EP300: variants seen among roughly 807,000 people sequenced by gnomAD.
EP300 encodes the protein EP300 lysine acetyltransferase, also known as histone acetyltransferase p300.
A neutral mutation model predicts 264.0 loss-of-function variants in EP300; 31 were observed. The ratio of observed to expected loss-of-function variants is 0.12; its 90% CI spans 0.09 to 0.16. The LOEUF is 0.16. Ranked by LOEUF, EP300 falls within the 10% of genes least tolerant of loss-of-function variation. The pLI is 1.00. For synonymous variants in EP300, 1,340 were observed against 1,045.4 expected (o/e 1.28, Z -5.44); for missense variants, 2,766 against 3,052.9 (o/e 0.91, Z 2.21).
intron 1 of EP300, among the ~76,000 whole-genome samples, chr22:41,098,682 T>A (rs1386945467): frequency 1.3e-5 from 2 of 151,972 alleles, no homozygotes; most frequent in Non-Finnish European, 2.9e-5. Flanking sequence ...TAGAAGTAAT[T>A]TTGTTGAGAG....
chr22:41,170,582 A>T lies in EP300; in HGVS notation c.4452+11A>T, dbSNP rs780567601. 6.2e-7 allele frequency: 1 copy of T among 1,610,982 alleles called. No individual in the cohort carries two copies. The highest frequency in any genetic ancestry group is 1.1e-5 in the South Asian group (1 of 91,026). On this transcript the variant is annotated intron_variant, in intron 27 of 30. Transcript: ENST00000263253. The stretch of plus-strand genomic sequence containing the variant: ...GTCCATGACTACAAGGTCAGTTGGG[A>T]CATAGGGGCCAGGTGCTGACAATAG...
chr22:41,106,356 C>T (rs1353417219), intron 1 of EP300, among the ~76,000 whole-genome samples: 1 of 152,134 alleles, frequency 6.6e-6, no homozygotes, highest in Admixed American at 6.6e-5. Flanking sequence ...GTTTGGTTTT[C>T]AACTCCATTC....
Position 41,126,028 on chromosome 22 carries a change from A to G in EP300, c.894A>G (p.Gly298=), listed in dbSNP as rs943626518. 5.6e-6 allele frequency: 9 copies of G among 1,614,042 alleles called. No individual in the cohort carries two copies. The highest frequency in any genetic ancestry group is 1.3e-5 in the African/African-American group (1 of 74,918). The change falls in exon 3 of 31, where the codon GGA becomes GGG. Residue 298 remains glycine, a synonymous_variant. Coordinates refer to ENST00000263253, the MANE Select transcript of EP300 (RefSeq NM_001429.4). ...ACAAAAAGGCAGTTCCTGGTGGAGG[A>G]ATGCCCAACATGGTGAGTACTAATC... ...AMDKKAVPGG[G]MPNMGQQPAP... is the part of the protein sequence containing the mutation.
At chr22:41,105,757 T>G (rs1235858522) in intron 1 of EP300, among the ~76,000 whole-genome samples, 1 of 152,212 alleles carries the variant, frequency 6.6e-6, no homozygotes. Context: ...AAGTATACCT[T>G]TTGATGTCAT....
intron 20 of EP300, among the ~76,000 whole-genome samples, chr22:41,161,936 T>C (rs2059110699): frequency 6.6e-6 from 1 of 152,212 alleles, no homozygotes; most frequent in Non-Finnish European, 1.5e-5. Flanking sequence ...GCCAGGAAGG[T>C]TAGCTCTAGG....
chr22:41,153,930 T>A (rs1373184669), intron 16 of EP300, among the ~76,000 whole-genome samples: 2 of 151,908 alleles, frequency 1.3e-5, no homozygotes, highest in Non-Finnish European at 2.9e-5. Context: ...GATGATGAAA[T>A]TTTTTTTGCC....
chr22:41,167,584 G>GTATATATATATATATA (rs56131556), intron 23 of EP300, among the ~76,000 whole-genome samples: 8 of 34,480 alleles, frequency 2.3e-4, no homozygotes, highest in Admixed American at 3.9e-4. Context: ...GTGTGTGTGT[G>GTATATATATATATATA]TATATATATA....
chr22:41,176,697 C>T (rs2145514588), intron 30 of EP300, 76 bp from the exon 31 acceptor site: 1 of 1,612,980 alleles, frequency 6.2e-7, no homozygotes, highest in Non-Finnish European at 8.5e-7. Flanking sequence ...GCTTTTCTAG[C>T]CCAAACAATA....
chr22:41,178,800 T>A lies in EP300; in HGVS notation c.7089T>A (p.His2363Gln). The A allele has an allele frequency of 6.2e-7, 1 of 1,614,128 alleles. No homozygotes were observed. The highest frequency in any genetic ancestry group is 8.5e-7 in the Non-Finnish European group (1 of 1,180,032). ...AAQANPMEQG[H>Q]FASPDQNSML... The stretch of plus-strand genomic sequence containing the variant: ...AGGCCAACCCCATGGAACAAGGGCA[T>A]TTTGCCAGCCCGGACCAGAATTCAA... Residue 2363 changes from histidine to glutamine, a missense_variant, in exon 31 of 31, where the codon CAT (histidine) becomes CAA (glutamine). His to Gln is a conservative substitution (Grantham distance 24, BLOSUM62 0). Transcript: ENST00000263253.
chr22:41,137,975 A>G (rs28391542), intron 8 of EP300, among the ~76,000 whole-genome samples, 185 bp downstream of exon 8: 2 of 152,026 alleles, frequency 1.3e-5, no homozygotes, highest in Admixed American at 1.3e-4. Context: ...AACCTTTCCC[A>G]CCATCATCTA....
chr22:41,160,777 T>C, intron 20 of EP300, 55 bp downstream of exon 20: 1 of 1,482,782 alleles, frequency 6.7e-7, no homozygotes. Context: ...CCAGTGATTA[T>C]GCACAGCTTA....
chr22:41,175,913 G>A, intron 29 of EP300: 1 of 347,038 alleles, frequency 2.9e-6, no homozygotes, highest in Non-Finnish European at 5.5e-6. Context: ...AACTAACTCA[G>A]CATTCGCCAG....
intron 20 of EP300, 103 bp downstream of exon 20, chr22:41,160,825 A>C (rs1480582084): frequency 9.6e-7 from 1 of 1,039,884 alleles, no homozygotes; most frequent in African/African-American, 1.6e-5. Context: ...TGAATATGGT[A>C]GCCATTAGCC....
chr22:41,154,240 C>T (rs977808148), intron 16 of EP300, among the ~76,000 whole-genome samples: 6 of 152,190 alleles, frequency 3.9e-5, no homozygotes, highest in South Asian at 2.1e-4. Flanking sequence ...CTCTTCTGTG[C>T]CCCTGACTCC....
intron 6 of EP300, among the ~76,000 whole-genome samples, 157 bp downstream of exon 6, chr22:41,131,790 A>G (rs964709508): frequency 2.6e-5 from 4 of 152,196 alleles, no homozygotes; most frequent in African/African-American, 9.7e-5. Flanking sequence ...CAGTTCATCT[A>G]CGAGAGGTAA....
intron 21 of EP300, among the ~76,000 whole-genome samples, chr22:41,163,542 T>C (rs2059119048): frequency 1.3e-5 from 2 of 149,436 alleles, no homozygotes; most frequent in East Asian, 4.0e-4. Context: ...AGGTCAAGAG[T>C]TCGAGACCAG....
chr22:41,140,489 C>T (rs1183397962), intron 9 of EP300, among the ~76,000 whole-genome samples: 1 of 152,126 alleles, frequency 6.6e-6, no homozygotes, highest in Non-Finnish European at 1.5e-5. Context: ...GGCACTTTAT[C>T]TGGTTGTCCT....
intron 6 of EP300, among the ~76,000 whole-genome samples, chr22:41,134,163 C>CTTT (rs11362436): frequency 1.1e-3 from 120 of 105,582 alleles, no homozygotes; most frequent in African/African-American, 4.3e-3. Flanking sequence ...TCATTCTTTT[C>CTTT]TTTTTTTTTT....
Position 41,170,544 on chromosome 22 carries a change from A to G in EP300, c.4425A>G (p.Val1475=). The G allele has an allele frequency of 2.5e-6, 4 of 1,613,852 alleles. No homozygotes were observed. Among genetic ancestry groups the G allele is most frequent in the Non-Finnish European group, 3.4e-6 (4 of 1,179,920 alleles). ...ACAAAAAAATGCTTGACAAGGCTGT[A>G]TCAGAGCGTATTGTCCATGACTACA... is the stretch of plus-strand genomic sequence containing the variant. ...EWYKKMLDKA[V]SERIVHDYKD... is the part of the protein sequence containing the mutation. Residue 1475 remains valine, a synonymous_variant, in exon 27 of 31, where the codon GTA becomes GTG. Coordinates refer to ENST00000263253, the MANE Select transcript of EP300 (RefSeq NM_001429.4).
Sources: gnomAD v4.1 joint callset for allele counts (sites outside exome capture counted in the v4.1 genomes callset) on GRCh38, gnomAD v4.1.1 for gene constraint, MANE v1.5 for transcripts, NCBI Gene and HGNC (gene_info 2026-07-23, HGNC 2026-07-21) for gene names.